TBC1D30: variants seen among roughly 807,000 people sequenced by gnomAD.
TBC1D30 encodes TBC1 domain family member 30.
A neutral mutation model predicts 63.2 loss-of-function variants in TBC1D30; 31 were observed. That is an observed-to-expected ratio of 0.49 (90% confidence interval 0.37 to 0.66). The LOEUF (loss-of-function observed/expected upper bound fraction) is 0.66, where lower values mean the gene tolerates loss of function less well. Among genes scored for constraint, TBC1D30 ranks in the 30% least tolerant of loss-of-function variants. The pLI is 0.00. For missense variants in TBC1D30, 810 were observed against 953.6 expected, an observed-to-expected ratio of 0.85 and a Z score of 1.98; for synonymous variants, 307 against 361.5, an observed-to-expected ratio of 0.85 and a Z score of 1.71.
At chr12:64,762,884 TTA>T (rs1395395782) in intron 1 of TBC1D30, among the ~76,000 whole-genome samples, 1 of 152,228 alleles carries the variant, frequency 6.6e-6, no homozygotes, top group African/African-American at 2.4e-5. Flanking sequence ...ATTATTGGTT[TTA>T]TATATATGTT....
chr12:64,779,681 CATTTGACTAATATA>C (rs758793203), upstream of TBC1D30, among the ~76,000 whole-genome samples: 44 of 152,134 alleles, frequency 2.9e-4, no homozygotes, highest in Non-Finnish European at 5.7e-4. Context: ...TATTTAATAG[CATTTGACTAATATA>C]TATTCATCCA....
intron 3 of TBC1D30, among the ~76,000 whole-genome samples, chr12:64,829,587 T>C (rs1390402433): frequency 1.3e-5 from 2 of 152,120 alleles, no homozygotes; most frequent in African/African-American, 2.4e-5. Flanking sequence ...GATATCTAAT[T>C]TGAAGGTATC....
At chr12:64,812,723 TACTC>T (rs1873285833) in intron 2 of TBC1D30, among the ~76,000 whole-genome samples, 1 of 152,132 alleles carries the variant, frequency 6.6e-6, no homozygotes, top group Admixed American at 6.5e-5. Context: ...AGAAGAAAAT[TACTC>T]ACTTAAACTT....
At chr12:64,856,753 G>A (rs1216211317) in intron 8 of TBC1D30, among the ~76,000 whole-genome samples, 1 of 152,144 alleles carries the variant, frequency 6.6e-6, no homozygotes, top group African/African-American at 2.4e-5. Flanking sequence ...AAAAACCTTA[G>A]AAATTTACAT....
At chr12:64,803,108 C>T (rs1288504555) in intron 2 of TBC1D30, among the ~76,000 whole-genome samples, 3 of 152,186 alleles carry the variant, frequency 2.0e-5, no homozygotes, top group Non-Finnish European at 4.4e-5. Context: ...TTTACAGTCC[C>T]ACCAACAGTG....
In TBC1D30 at chr12:64,825,047, G is replaced by T. The variant is rs767520298; in HGVS notation, c.154+14G>T. On this transcript the variant is annotated intron_variant, in intron 1 of 11. Coordinates refer to ENST00000539867, the MANE Select transcript of TBC1D30 (RefSeq NM_015279.2). ...CCCTGGAGCCGGGTGAGGACCCCAG[G>T]GCTGCAGATGGGGCGCTGTAAAGTA... The T allele has an allele frequency of 3.3e-6, 5 of 1,526,344 alleles. No individual in the cohort carries two copies. The highest frequency in any genetic ancestry group is 4.4e-6 in the Non-Finnish European group (5 of 1,141,970). 94.6% of individuals were successfully genotyped at this position (1,526,344 alleles called of 1,614,324 possible).
At chr12:64,759,508 C>T (rs779150732) in exon 1 of TBC1D30, 11 of 503,378 alleles carry the variant, frequency 2.2e-5, no homozygotes, top group Non-Finnish European at 3.5e-5. Flanking sequence ...ACTGGCGCAG[C>T]CTGGAGGGAG....
rs1165480066 is a variant in TBC1D30, at chr12:64,851,175, G to A, written c.1038+7690G>A. Among the ~76,000 whole-genome samples, 11 of 151,756 alleles carry A rather than the reference G, an allele frequency of 7.2e-5. No individual in the cohort carries two copies. In the East Asian group the frequency reaches 1.5e-3, roughly 21 times the overall value. On this transcript the variant is annotated intron_variant, in intron 8 of 11. Transcript: ENST00000539867. The stretch of plus-strand genomic sequence containing the variant: ...TTCTTCTCTCTTTTCTTCTTTATTA[G>A]TCTGGCTAGCGGTCTGTCTATTTTG...
At chr12:64,872,297 G>T (rs976974198) in intron 11 of TBC1D30, among the ~76,000 whole-genome samples, 1 of 152,132 alleles carries the variant, frequency 6.6e-6, no homozygotes, top group African/African-American at 2.4e-5. Flanking sequence ...CAAAGTGCTG[G>T]GATTACAGGA....
chr12:64,768,332 C>T (rs1870791779), intron 1 of TBC1D30: 1 of 151,844 alleles, frequency 6.6e-6, no homozygotes, highest in Non-Finnish European at 1.5e-5. Context: ...TGCTTTTCTG[C>T]AAATTCAATT....
At chr12:64,830,915 A>G (rs1323046023) in intron 4 of TBC1D30, among the ~76,000 whole-genome samples, 2 of 152,230 alleles carry the variant, frequency 1.3e-5, no homozygotes, top group Non-Finnish European at 2.9e-5. Context: ...TTCTAAAGAC[A>G]GGTTCACAGG....
chr12:64,771,094 G>C (rs1870891190), intron 1 of TBC1D30, among the ~76,000 whole-genome samples: 1 of 151,996 alleles, frequency 6.6e-6, no homozygotes, highest in African/African-American at 2.4e-5. Context: ...AAGACCTTCT[G>C]AGAGTGGGGT....
At chr12:64,858,420 A>G (rs1877491886) in intron 8 of TBC1D30, among the ~76,000 whole-genome samples, 1 of 152,152 alleles carries the variant, frequency 6.6e-6, no homozygotes, top group African/African-American at 2.4e-5. Context: ...CTCAGAGCTC[A>G]GGGCCCATGG....
At chr12:64,847,050 G>T (rs538262786) in intron 8 of TBC1D30, among the ~76,000 whole-genome samples, 8 of 152,208 alleles carry the variant, frequency 5.3e-5, no homozygotes, top group African/African-American at 1.2e-4. Context: ...TTTTATTATG[G>T]CTTCAGTCTT....
rs76878121 is a variant in TBC1D30, at chr12:64,854,378, C to T, written c.1039-10290C>T. On this transcript the variant is annotated intron_variant, in intron 8 of 11. Transcript: ENST00000539867. ...AAAGAAAACTAATAAAAACTCCATA[C>T]TTTAACTTTGTCCCTCTGCTTTTTA... Among the ~76,000 whole-genome samples, 714 of 152,284 alleles carry T rather than the reference C, an allele frequency of 4.7e-3. 6 individuals carry two copies. The highest frequency in any genetic ancestry group is 0.016 in the African/African-American group (678 of 41,528).
chr12:64,850,574 G>A (rs1210392438), intron 8 of TBC1D30, among the ~76,000 whole-genome samples: 2 of 152,102 alleles, frequency 1.3e-5, no homozygotes, highest in African/African-American at 4.8e-5. Context: ...GATGGATTAC[G>A]TTTATTGATT....
intron 8 of TBC1D30, among the ~76,000 whole-genome samples, chr12:64,859,707 C>A (rs1342504432): frequency 6.6e-6 from 1 of 152,152 alleles, no homozygotes; most frequent in Non-Finnish European, 1.5e-5. Context: ...AGGATGGGTT[C>A]ATTTTCAGAT....
chr12:64,787,833 C>T (rs561427986), intron 2 of TBC1D30, among the ~76,000 whole-genome samples: 2 of 152,238 alleles, frequency 1.3e-5, no homozygotes, highest in African/African-American at 4.8e-5. Context: ...GTTAGGAGTT[C>T]GAGATCAGCC....
intron 1 of TBC1D30, chr12:64,825,686 A>G (rs550255466): frequency 1.3e-5 from 2 of 152,516 alleles, no homozygotes; most frequent in South Asian, 2.1e-4. Flanking sequence ...TCCAGACTGC[A>G]TAACTCCGTG....
Sources: gnomAD v4.1 joint callset for allele counts (sites outside exome capture counted in the v4.1 genomes callset) on GRCh38, gnomAD v4.1.1 for gene constraint, MANE v1.5 for transcripts, NCBI Gene and HGNC (gene_info 2026-07-23, HGNC 2026-07-21) for gene names.